The following SGCD variants were observed in gnomAD, a reference collection of about 807,000 sequenced individuals.
The protein encoded by SGCD is sarcoglycan delta, also known as delta-sarcoglycan.
In SGCD, 18 loss-of-function variants were observed where a neutral mutation model predicts 36.6. That is an observed-to-expected ratio of 0.49 (90% CI 0.34 to 0.73). The LOEUF (loss-of-function observed/expected upper bound fraction) is 0.73. Among genes scored for constraint, SGCD ranks in the 30% least tolerant of loss-of-function variants. SGCD has a pLI of 0.01. For synonymous variants in SGCD, 133 were observed against 130.6 expected (o/e 1.02, Z -0.12); for missense variants, 387 against 346.7 (o/e 1.12, Z -0.92).
chr5:156,720,768 T>A lies in SGCD; in HGVS notation c.576-36813T>A, dbSNP rs956054435. On this transcript the variant is annotated intron_variant, in intron 7 of 8. Coordinates refer to ENST00000337851, the MANE Select transcript of SGCD (RefSeq NM_000337.6). ...TCAAAGTTACCTTTTGCTCATAAAG[T>A]TTGCTTTCTAAGGATTACTACTTTG... Among the ~76,000 whole-genome samples the A allele has an allele frequency of 2.0e-5, 3 of 152,196 alleles. No individual in the cohort carries two copies. In the East Asian group the frequency reaches 5.8e-4, roughly 29 times the overall value.
intron 1 of SGCD, among the ~76,000 whole-genome samples, chr5:156,056,841 TGG>T (rs1473309604): frequency 6.9e-6 from 1 of 145,698 alleles, no homozygotes; most frequent in Non-Finnish European, 1.5e-5. Context: ...CTATAACCAC[TGG>T]GCATTTTTTG....
rs1757556506 is a variant in SGCD, at chr5:156,764,677, T to TTGAC, written c.*5288_*5291dup. 1 of 152,294 alleles carries TTGAC rather than the reference T, an allele frequency of 6.6e-6. No individual in the cohort carries two copies. The allele number at this position is 152,294 out of a possible 1,614,324, so 9.4% of individuals were successfully genotyped here. On this transcript the variant is annotated 3_prime_UTR_variant, in exon 9 of 9. Coordinates refer to ENST00000337851, the MANE Select transcript of SGCD (RefSeq NM_000337.6). ...TCCCCCTACCTTCCTTTTGTAGATA[T>TTGAC]TGACAGAATAGGAGGAAATGAGCAT... is the stretch of plus-strand genomic sequence containing the variant.
At chr5:156,155,196 C>T (rs1762923623) in intron 3 of SGCD, among the ~76,000 whole-genome samples, 1 of 151,422 alleles carries the variant, frequency 6.6e-6, no homozygotes, top group Non-Finnish European at 1.5e-5. Context: ...GAAAAATTAT[C>T]TATCTATCTA....
intron 2 of SGCD, among the ~76,000 whole-genome samples, chr5:156,121,361 T>C (rs971098065): frequency 1.3e-4 from 20 of 152,174 alleles, no homozygotes; most frequent in Non-Finnish European, 5.9e-5. Flanking sequence ...ATTTTCATCA[T>C]CTCTCTTTTA....
At position 156,762,772 on chromosome 5, in the gene SGCD, A is replaced by T. The variant is rs1757521149; in HGVS notation, c.*3382A>T. ...AGACTATGTATCCCACAAAGCATAG[A>T]TTACTTACTATTTAGTCCTTTACAG... On this transcript the variant is annotated 3_prime_UTR_variant, in exon 9 of 9. Transcript: ENST00000337851. 6.6e-6 allele frequency: 1 copy of T among 152,446 alleles called. No homozygotes were observed. The highest frequency in any genetic ancestry group is 2.1e-4 in the South Asian group (1 of 4,834). 9.4% of individuals were successfully genotyped at this position (152,446 alleles called of 1,614,324 possible).
intron 1 of SGCD, among the ~76,000 whole-genome samples, chr5:155,880,224 A>G (rs77490356): frequency 0.046 from 6,991 of 152,282 alleles, 214 homozygotes; most frequent in Middle Eastern, 0.075. Context: ...TAAATGGATG[A>G]TGGTCATGCA....
rs1472624095 is a variant in SGCD, at chr5:155,996,906, T to TAGATAGATAGAC, written c.-281-120969_-281-120968insTAGATAGACAGA. 2.6e-3 allele frequency among the ~76,000 whole-genome samples: 367 copies of TAGATAGATAGAC among 142,010 alleles called. 4 individuals carry two copies. Among genetic ancestry groups the TAGATAGATAGAC allele is most frequent in the African/African-American group, 7.1e-3 (280 of 39,546 alleles). 93.2% of individuals were successfully genotyped at this position (142,010 alleles called of 152,430 possible). A position where few individuals can be genotyped will look rare whatever the true frequency, so the allele number is the denominator to read the frequency against. ...ATAGATAGATAGATAGATAGATAGA[T>TAGATAGATAGAC]AGACAGACAGACAGGCAGGCAGACA... On this transcript the variant is annotated intron_variant, in intron 1 of 9. Transcript: ENST00000517913.
intron 3 of SGCD, among the ~76,000 whole-genome samples, chr5:156,316,548 A>T (rs59584766): frequency 1.3e-5 from 2 of 152,074 alleles, no homozygotes; most frequent in African/African-American, 4.8e-5. Context: ...CCTGATTTCA[A>T]ATTATATTGT....
chr5:156,267,874 A>C (rs2127668102), intron 3 of SGCD, among the ~76,000 whole-genome samples: 1 of 152,280 alleles, frequency 6.6e-6, no homozygotes, highest in East Asian at 1.9e-4. Flanking sequence ...GTACATATTC[A>C]GGTTTGTTAT....
intron 1 of SGCD, among the ~76,000 whole-genome samples, chr5:156,042,203 G>A (rs922641339): frequency 2.7e-5 from 4 of 148,464 alleles, no homozygotes; most frequent in Middle Eastern, 3.4e-3. Flanking sequence ...TTTTTTTGTC[G>A]ATAGAAGAAA....
the SGCD span, among the ~76,000 whole-genome samples, chr5:155,788,547 T>C: frequency 6.6e-6 from 1 of 152,194 alleles, no homozygotes; most frequent in Non-Finnish European, 1.5e-5. Flanking sequence ...ATTCTATGTG[T>C]ATGCTAGGTT....
chr5:156,216,516 A>G (rs1764578150), intron 3 of SGCD, among the ~76,000 whole-genome samples: 1 of 152,196 alleles, frequency 6.6e-6, no homozygotes, highest in Non-Finnish European at 1.5e-5. Context: ...ATCTGTGTAA[A>G]GCATGTTAAT....
chr5:156,600,570 AT>A (rs1187182850), intron 6 of SGCD, among the ~76,000 whole-genome samples: 1 of 151,830 alleles, frequency 6.6e-6, no homozygotes, highest in African/African-American at 2.4e-5. Context: ...TTTTTTATGT[AT>A]TTCTTGTTGG....
At chr5:156,163,623 T>G (rs1421095331) in intron 3 of SGCD, among the ~76,000 whole-genome samples, 2 of 151,492 alleles carry the variant, frequency 1.3e-5, no homozygotes, top group Non-Finnish European at 2.9e-5. Flanking sequence ...ATGCTGAAAT[T>G]TACTCCATTA....
chr5:156,074,705 T>C (rs2127589601), intron 1 of SGCD, among the ~76,000 whole-genome samples: 2 of 152,200 alleles, frequency 1.3e-5, no homozygotes, highest in East Asian at 3.9e-4. Context: ...AATGTATTTA[T>C]ACTTTAAAAG....
At chr5:155,900,444 T>C (rs2113336369) in intron 1 of SGCD, among the ~76,000 whole-genome samples, 1 of 152,236 alleles carries the variant, frequency 6.6e-6, no homozygotes, top group South Asian at 2.1e-4. Flanking sequence ...ATTATTATAC[T>C]TTAAGTCTTA....
intron 4 of SGCD, among the ~76,000 whole-genome samples, chr5:156,517,968 C>A (rs1284032785): frequency 6.6e-6 from 1 of 152,160 alleles, no homozygotes; most frequent in Non-Finnish European, 1.5e-5. Flanking sequence ...ATCATGATGA[C>A]AGGATCAAAT....
intron 1 of SGCD, among the ~76,000 whole-genome samples, chr5:156,025,899 G>A (rs1759217645): frequency 1.3e-5 from 2 of 152,162 alleles, no homozygotes; most frequent in African/African-American, 4.8e-5. Context: ...ACATTCCATT[G>A]GCCCTTTATT....
chr5:156,067,907 G>A (rs1462964549), intron 1 of SGCD, among the ~76,000 whole-genome samples: 4 of 128,544 alleles, frequency 3.1e-5, no homozygotes, highest in Admixed American at 7.2e-5. Flanking sequence ...CTTCTGCGTC[G>A]CTCACGCTGG....
Sources: allele counts gnomAD v4.1 joint callset (sites outside exome capture counted in the v4.1 genomes callset), GRCh38; gene constraint gnomAD v4.1.1; transcripts MANE v1.5; gene names NCBI Gene and HGNC (gene_info 2026-07-23, HGNC 2026-07-21).